The following ZCCHC7 variants were observed in gnomAD, a reference collection of about 807,000 sequenced individuals.
The protein encoded by ZCCHC7 is zinc finger CCHC-type containing 7.
ZCCHC7 carries 35 observed loss-of-function variants against 52.0 expected under a neutral mutation model. That is an observed-to-expected ratio of 0.67 (90% CI 0.51 to 0.89). The LOEUF is 0.89. Ranked by LOEUF, ZCCHC7 falls within the 40% of genes least tolerant of loss-of-function variation. ZCCHC7 has a pLI of 0.00. For synonymous variants in ZCCHC7, 217 were observed against 221.5 expected (o/e 0.98, Z 0.18); for missense variants, 574 against 649.1 (o/e 0.88, Z 1.26).
At chr9:37,319,939 C>T (rs950107704) in intron 5 of ZCCHC7, among the ~76,000 whole-genome samples, 3 of 152,130 alleles carry the variant, frequency 2.0e-5, no homozygotes, top group Non-Finnish European at 4.4e-5. Flanking sequence ...GTCAATTGGC[C>T]ATATTTACAT....
intron 2 of ZCCHC7, among the ~76,000 whole-genome samples, chr9:37,206,621 A>T (rs1460778941): frequency 3.9e-5 from 6 of 151,998 alleles, no homozygotes; most frequent in Admixed American, 1.3e-4. Flanking sequence ...TAAAGTGTTG[A>T]GGTTACAGGT....
intron 2 of ZCCHC7, among the ~76,000 whole-genome samples, chr9:37,287,274 T>A (rs1311758667): frequency 6.6e-6 from 1 of 151,474 alleles, no homozygotes; most frequent in African/African-American, 2.4e-5. Context: ...CTTTGAGGTG[T>A]CATACATTAA....
In ZCCHC7 at chr9:37,280,699, CT is replaced by C. The variant is rs559785712; in HGVS notation, c.611-21488del. Reference sequence around the variant, plus strand: ...AAATTCATTAAACTTTTTTTTGTTACTGCTTGATTAGCTAATTGTTACAGAT... The same window carrying C: ...AAATTCATTAAACTTTTTTTTGTTACGCTTGATTAGCTAATTGTTACAGAT... On this transcript the variant is annotated intron_variant, in intron 2 of 8. Coordinates refer to ENST00000336755, the MANE Select transcript of ZCCHC7 (RefSeq NM_032226.3). Among the ~76,000 whole-genome samples the C allele has an allele frequency of 2.7e-3, 403 of 150,652 alleles. 2 individuals carry two copies. The highest frequency in any genetic ancestry group is 9.3e-3 in the African/African-American group (384 of 41,216).
intron 2 of ZCCHC7, among the ~76,000 whole-genome samples, chr9:37,137,119 G>A (rs1298485255): frequency 6.6e-6 from 1 of 152,200 alleles, no homozygotes; most frequent in African/African-American, 2.4e-5. Context: ...TTCAAAAATT[G>A]CCATGTACTT....
chr9:37,333,798 T>G (rs984188240), intron 6 of ZCCHC7: 18 of 151,818 alleles, frequency 1.2e-4, no homozygotes, highest in Admixed American at 1.1e-3. Flanking sequence ...AAATCTTTTT[T>G]AAAACCCACA....
At chr9:37,150,547 T>C (rs1335204478) in intron 2 of ZCCHC7, among the ~76,000 whole-genome samples, 2 of 152,166 alleles carry the variant, frequency 1.3e-5, no homozygotes, top group Non-Finnish European at 2.9e-5. Flanking sequence ...ACATAATAAA[T>C]GTGAGCCAGA....
chr9:37,162,315 A>G (rs1821150975), intron 2 of ZCCHC7, among the ~76,000 whole-genome samples: 1 of 152,204 alleles, frequency 6.6e-6, no homozygotes, highest in Non-Finnish European at 1.5e-5. Context: ...ACAGGAAGCC[A>G]TCATCACAAT....
chr9:37,279,245 G>GAT (rs1827831804), intron 2 of ZCCHC7, among the ~76,000 whole-genome samples: 1 of 151,628 alleles, frequency 6.6e-6, no homozygotes, highest in East Asian at 1.9e-4. Context: ...TTTATATGTA[G>GAT]ATATAATACA....
At chr9:37,285,524 T>G (rs903847681) in intron 2 of ZCCHC7, among the ~76,000 whole-genome samples, 4 of 152,172 alleles carry the variant, frequency 2.6e-5, no homozygotes, top group Admixed American at 2.6e-4. Context: ...AGGAGCAGGC[T>G]TTTGGGGAAT....
intron 2 of ZCCHC7, among the ~76,000 whole-genome samples, chr9:37,140,200 G>A (rs138579842): frequency 6.6e-6 from 1 of 151,958 alleles, no homozygotes; most frequent in East Asian, 1.9e-4. Context: ...ATGAACTTTT[G>A]TCAATGGTTT....
intron 7 of ZCCHC7, among the ~76,000 whole-genome samples, chr9:37,349,914 A>G (rs1821262200): frequency 1.3e-5 from 2 of 151,760 alleles, no homozygotes; most frequent in Admixed American, 1.3e-4. Context: ...CAGCCTCCCA[A>G]GTAGCTGGGA....
At chr9:37,302,102 G>T in intron 2 of ZCCHC7, 86 bp from the exon 3 acceptor site, 3 of 1,086,870 alleles carry the variant, frequency 2.8e-6, no homozygotes, top group South Asian at 2.7e-5. Flanking sequence ...GGTCCAATTT[G>T]AGTACTCATA....
At chr9:37,255,047 A>G (rs1403736297) in intron 2 of ZCCHC7, among the ~76,000 whole-genome samples, 1 of 151,944 alleles carries the variant, frequency 6.6e-6, no homozygotes, top group African/African-American at 2.4e-5. Context: ...AATACATTCC[A>G]GCATTCCCAG....
intron 6 of ZCCHC7, among the ~76,000 whole-genome samples, chr9:37,339,225 T>G (rs887104423): frequency 2.6e-5 from 4 of 152,192 alleles, no homozygotes; most frequent in African/African-American, 9.7e-5. Context: ...AGCCATTAGC[T>G]TGGAGAAAAT....
intron 2 of ZCCHC7, among the ~76,000 whole-genome samples, chr9:37,166,575 T>C (rs966100511): frequency 5.3e-5 from 8 of 152,142 alleles, no homozygotes; most frequent in Non-Finnish European, 1.2e-4. Context: ...TTTTTAACTT[T>C]TTAAAAATTA....
upstream of ZCCHC7, among the ~76,000 whole-genome samples, chr9:37,120,217 G>T (rs181688919): frequency 3.3e-5 from 5 of 152,214 alleles, no homozygotes; most frequent in East Asian, 1.9e-4. Flanking sequence ...CCTCAACCTC[G>T]CCCGTGTCCT....
intron 2 of ZCCHC7, among the ~76,000 whole-genome samples, chr9:37,180,522 CGTCTT>C (rs1027602920): frequency 4.3e-5 from 6 of 140,656 alleles, no homozygotes; most frequent in South Asian, 2.2e-4. Flanking sequence ...CTGAAAAAAA[CGTCTT>C]GTCTTTTTGA....
At chr9:37,237,459 T>C (rs1825703986) in intron 2 of ZCCHC7, among the ~76,000 whole-genome samples, 1 of 152,226 alleles carries the variant, frequency 6.6e-6, no homozygotes. Context: ...CCTCCATGTC[T>C]TTCCCCTTGA....
At chr9:37,179,687 T>C (rs951819751) in intron 2 of ZCCHC7, among the ~76,000 whole-genome samples, 2 of 152,148 alleles carry the variant, frequency 1.3e-5, no homozygotes, top group African/African-American at 4.8e-5. Context: ...CCTGTTGATG[T>C]TGAGTTGATG....
Sources: allele counts gnomAD v4.1 joint callset (sites outside exome capture counted in the v4.1 genomes callset), GRCh38; gene constraint gnomAD v4.1.1; transcripts MANE v1.5; gene names NCBI Gene and HGNC (gene_info 2026-07-23, HGNC 2026-07-21).